CDH13: variants seen among roughly 807,000 people sequenced by gnomAD.
CDH13 encodes cadherin 13, also known as cadherin-13.
CDH13 carries 24 observed loss-of-function variants against 63.8 expected under a neutral mutation model. The observed-to-expected ratio is 0.38, with a 90% CI of 0.27 to 0.53. The LOEUF (loss-of-function observed/expected upper bound fraction) is 0.53, where lower values mean the gene tolerates loss of function less well. Ranked by LOEUF, CDH13 falls within the 20% of genes least tolerant of loss-of-function variation. CDH13 has a pLI of 0.85. For missense variants in CDH13, 1,049 were observed against 903.1 expected, an observed-to-expected ratio of 1.16 and a Z score of -2.07; for synonymous variants, 503 against 355.3, an observed-to-expected ratio of 1.42 and a Z score of -4.67.
intron 5 of CDH13, among the ~76,000 whole-genome samples, chr16:83,232,227 T>TTTTAAAA (rs3049884): frequency 1.5e-5 from 1 of 67,636 alleles, no homozygotes; most frequent in African/African-American, 5.3e-5. Flanking sequence ...TTTTTTTTTT[T>TTTTAAAA]AAAAAAAAAA....
intron 6 of CDH13, among the ~76,000 whole-genome samples, chr16:83,440,986 A>G (rs1469665811): frequency 2.0e-5 from 3 of 152,170 alleles, no homozygotes; most frequent in African/African-American, 7.2e-5. Flanking sequence ...ATCCCTGAAC[A>G]CAACCACTGC....
chr16:83,514,456 C>A (rs1191340483), intron 7 of CDH13, among the ~76,000 whole-genome samples: 2 of 152,078 alleles, frequency 1.3e-5, no homozygotes, highest in African/African-American at 4.8e-5. Context: ...CCAGCCTGGC[C>A]AACCTGGTGA....
intron 1 of CDH13, among the ~76,000 whole-genome samples, chr16:82,688,050 G>C (rs1915261145): frequency 6.6e-6 from 1 of 152,214 alleles, no homozygotes; most frequent in Non-Finnish European, 1.5e-5. Flanking sequence ...AATGGTTCAA[G>C]TGCAGAAATG....
rs569567691 is a variant in CDH13, at chr16:83,249,260, A to T, written c.636+31763A>T. On this transcript the variant is annotated intron_variant, in intron 5 of 13. Transcript: ENST00000567109. The stretch of plus-strand genomic sequence containing the variant: ...ACCCAGTGGTTGGCACGCTTGAGCC[A>T]GCTCATACCAGCTTTCGTGAGACCG... Among the ~76,000 whole-genome samples, 5 of 152,310 alleles carry T rather than the reference A, an allele frequency of 3.3e-5. No homozygotes were observed. The South Asian group carries it at 1.0e-3, about 32-fold the overall frequency.
At chr16:83,382,262 C>G (rs529878848) in intron 6 of CDH13, among the ~76,000 whole-genome samples, 1 of 152,266 alleles carries the variant, frequency 6.6e-6, no homozygotes, top group South Asian at 2.1e-4. Context: ...GAACATTGAC[C>G]AATACTAGCA....
chr16:83,275,817 G>C (rs2088969094), intron 5 of CDH13, among the ~76,000 whole-genome samples: 1 of 152,174 alleles, frequency 6.6e-6, no homozygotes, highest in South Asian at 2.1e-4. Flanking sequence ...GGCACAGTGG[G>C]TAGCGGTGCA....
rs531874143 is a variant in CDH13 at position 82,764,781 on chromosome 16, C to T, written c.46-93581C>T. ...ATCTTGTGATGTGGAACCACACTCA[C>T]AGAGTCCCTTCATCTTCATTCATTT... is the stretch of plus-strand genomic sequence containing the variant. On this transcript the variant is annotated intron_variant, in intron 1 of 13. Transcript: ENST00000567109. Among the ~76,000 whole-genome samples, 4 of 150,924 alleles carry T rather than the reference C, an allele frequency of 2.7e-5. No homozygotes were observed. The South Asian group carries it at 6.3e-4, about 24-fold the overall frequency.
intron 10 of CDH13, among the ~76,000 whole-genome samples, 164 bp from the exon 11 acceptor site, chr16:83,747,944 G>A (rs937314810): frequency 6.6e-6 from 1 of 151,966 alleles, no homozygotes; most frequent in Non-Finnish European, 1.5e-5. Context: ...CAGAGTCAGT[G>A]GCCTCTTGAC....
At chr16:82,995,213 C>G (rs1056133603) in intron 2 of CDH13, among the ~76,000 whole-genome samples, 1 of 152,140 alleles carries the variant, frequency 6.6e-6, no homozygotes, top group Non-Finnish European at 1.5e-5. Context: ...TCAACTGTGG[C>G]CAGAACTCAT....
At chr16:83,062,359 C>T (rs905821105) in intron 3 of CDH13, among the ~76,000 whole-genome samples, 1 of 152,152 alleles carries the variant, frequency 6.6e-6, no homozygotes, top group African/African-American at 2.4e-5. Context: ...TTGTCCATCT[C>T]CAGTTCCTAT....
At chr16:83,116,174 T>C (rs1415418208) in intron 3 of CDH13, among the ~76,000 whole-genome samples, 1 of 152,224 alleles carries the variant, frequency 6.6e-6, no homozygotes, top group Non-Finnish European at 1.5e-5. Context: ...GAGCACTTCT[T>C]CGCTTTTGGG....
At chr16:82,987,635 CCAAAGTGGTAGGATTACAGG>C (rs2151396600) in intron 2 of CDH13, among the ~76,000 whole-genome samples, 1 of 152,286 alleles carries the variant, frequency 6.6e-6, no homozygotes, top group African/African-American at 2.4e-5. Context: ...CTTTGGCCTC[CCAAAGTGGTAGGATTACAGG>C]CATGAGCCAC....
At chr16:82,912,974 T>C (rs1432986067) in intron 2 of CDH13, among the ~76,000 whole-genome samples, 1 of 151,542 alleles carries the variant, frequency 6.6e-6, no homozygotes, top group Non-Finnish European at 1.5e-5. Flanking sequence ...TGCTTCAAAA[T>C]TGTGTCTTTT....
intron 4 of CDH13, among the ~76,000 whole-genome samples, chr16:83,168,244 A>G (rs1201452772): frequency 6.6e-6 from 1 of 152,092 alleles, no homozygotes; most frequent in Non-Finnish European, 1.5e-5. Context: ...TATTTTTAAA[A>G]TAAATGAACA....
intron 13 of CDH13, among the ~76,000 whole-genome samples, chr16:83,785,447 C>A (rs1021546381): frequency 6.6e-6 from 1 of 152,200 alleles, no homozygotes; most frequent in African/African-American, 2.4e-5. Flanking sequence ...CTCGTAGTAC[C>A]ATCACCTTGG....
chr16:83,620,758 A>G (rs988275295), intron 8 of CDH13, among the ~76,000 whole-genome samples: 5 of 152,316 alleles, frequency 3.3e-5, no homozygotes, highest in Admixed American at 2.6e-4. Flanking sequence ...TGGGAGCTAC[A>G]TGGTAAGAGT....
intron 2 of CDH13, among the ~76,000 whole-genome samples, chr16:82,973,643 C>T (rs765822953): frequency 3.3e-5 from 5 of 152,196 alleles, no homozygotes; most frequent in Admixed American, 6.5e-5. Flanking sequence ...AACTGTGCCC[C>T]TCCACCTGGA....
At chr16:83,474,370 G>A (rs1290994414) in intron 6 of CDH13, among the ~76,000 whole-genome samples, 1 of 152,172 alleles carries the variant, frequency 6.6e-6, no homozygotes, top group African/African-American at 2.4e-5. Flanking sequence ...AGGTGCCAGA[G>A]TCTCCATCTG....
intron 8 of CDH13, among the ~76,000 whole-genome samples, chr16:83,626,281 G>A (rs948035911): frequency 3.3e-5 from 5 of 152,172 alleles, no homozygotes; most frequent in Non-Finnish European, 2.9e-5. Context: ...AGGCCCCGAG[G>A]AATGCAGGAA....
Sources: gnomAD v4.1 joint callset for allele counts (sites outside exome capture counted in the v4.1 genomes callset) on GRCh38, gnomAD v4.1.1 for gene constraint, MANE v1.5 for transcripts, NCBI Gene and HGNC (gene_info 2026-07-23, HGNC 2026-07-21) for gene names.